Variants in NCALD observed in about 807,000 individuals in gnomAD.
NCALD encodes neurocalcin-delta.
NCALD carries 10 observed loss-of-function variants against 18.6 expected under a neutral mutation model. The ratio of observed to expected loss-of-function variants is 0.54; its 90% CI spans 0.33 to 0.91. NCALD has a LOEUF of 0.91. NCALD is among the 40% of genes least tolerant of loss of function. The probability of loss-of-function intolerance (pLI) is 0.03; values close to 1 mark genes in which losing one functional copy is unlikely to be tolerated. For synonymous variants in NCALD, 88 were observed against 87.4 expected, an observed-to-expected ratio of 1.01 and a Z score of -0.04; for missense variants, 184 against 247.6, an observed-to-expected ratio of 0.74 and a Z score of 1.72.
chr8:101,720,910 T>C (rs545698877), intron 1 of NCALD, among the ~76,000 whole-genome samples: 2 of 152,192 alleles, frequency 1.3e-5, no homozygotes, highest in Admixed American at 1.3e-4. Flanking sequence ...GGCACCTAGC[T>C]GTGTGTGCAG....
At chr8:101,997,141 C>T (rs1020774692) in intron 2 of NCALD, among the ~76,000 whole-genome samples, 1 of 152,190 alleles carries the variant, frequency 6.6e-6, no homozygotes, top group Admixed American at 6.5e-5. Flanking sequence ...CTCATTTAAG[C>T]TCTGAGAGTC....
chr8:101,835,265 C>T (rs1586602762), intron 4 of NCALD, among the ~76,000 whole-genome samples: 5 of 152,348 alleles, frequency 3.3e-5, no homozygotes, highest in Admixed American at 3.3e-4. Context: ...CCCCTTGGCC[C>T]TTCCATCATA....
intron 2 of NCALD, among the ~76,000 whole-genome samples, chr8:101,961,141 T>C (rs1819820411): frequency 1.3e-5 from 2 of 152,150 alleles, no homozygotes; most frequent in Non-Finnish European, 2.9e-5. Context: ...AGGTGTGTAA[T>C]AAATATGTAT....
Position 101,687,677 on chromosome 8 carries a change from C to A in NCALD, c.*1632G>T, listed in dbSNP as rs1265474866. ...GGCAAGTGGCTTGGCAGCAAATATA[C>A]CCACTAGGGACCTCTCTGCCTTCTC... On this transcript the variant is annotated 3_prime_UTR_variant, in exon 4 of 4. Transcript: ENST00000220931. 6.6e-6 allele frequency: 1 copy of A among 152,196 alleles called. No individual in the cohort carries two copies. Among genetic ancestry groups the A allele is most frequent in the Non-Finnish European group, 1.5e-5 (1 of 68,048 alleles). 9.4% of individuals were successfully genotyped at this position (152,196 alleles called of 1,614,324 possible). A position where few individuals can be genotyped will look rare whatever the true frequency, so the allele number is the denominator to read the frequency against.
At chr8:101,889,146 T>C (rs1030051606) in intron 3 of NCALD, among the ~76,000 whole-genome samples, 3 of 152,226 alleles carry the variant, frequency 2.0e-5, no homozygotes, top group Non-Finnish European at 4.4e-5. Context: ...GCAACTCTGA[T>C]GCAAAGCTGG....
chr8:101,911,740 C>T (rs1392289187), intron 3 of NCALD, among the ~76,000 whole-genome samples: 4 of 152,104 alleles, frequency 2.6e-5, no homozygotes, highest in African/African-American at 9.7e-5. Context: ...TGCGTTTCCA[C>T]GAATTACCTG....
intron 2 of NCALD, among the ~76,000 whole-genome samples, chr8:101,979,417 G>T (rs925655562): frequency 1.2e-4 from 19 of 152,176 alleles, no homozygotes; most frequent in Admixed American, 9.2e-4. Context: ...CTCTTAGGCA[G>T]CTTACAACAA....
intron 3 of NCALD, chr8:101,690,684 G>C: frequency 2.0e-6 from 2 of 985,468 alleles, no homozygotes; most frequent in Non-Finnish European, 2.4e-6. Context: ...GAAGGAAAAA[G>C]ATAGGGATGC....
chr8:102,019,269 T>C (rs1378923191), intron 2 of NCALD, among the ~76,000 whole-genome samples: 1 of 152,100 alleles, frequency 6.6e-6, no homozygotes, highest in East Asian at 1.9e-4. Flanking sequence ...GAAAACACCT[T>C]GTTTTGGAAA....
chr8:102,030,164 A>C (rs1355280113), intron 1 of NCALD, among the ~76,000 whole-genome samples: 1 of 152,228 alleles, frequency 6.6e-6, no homozygotes, highest in Non-Finnish European at 1.5e-5. Flanking sequence ...AATATTTGTA[A>C]ACAGAAACCA....
intron 2 of NCALD, among the ~76,000 whole-genome samples, chr8:101,703,096 C>A (rs888164562): frequency 6.6e-6 from 1 of 151,942 alleles, no homozygotes; most frequent in African/African-American, 2.4e-5. Flanking sequence ...TCTATCTGTG[C>A]CAGGACTGAC....
At chr8:101,899,929 G>T (rs994559287) in intron 3 of NCALD, among the ~76,000 whole-genome samples, 10 of 151,826 alleles carry the variant, frequency 6.6e-5, no homozygotes, top group Non-Finnish European at 1.5e-5. Flanking sequence ...TCTAGAAGAG[G>T]TTGTAGAGAA....
chr8:101,980,567 A>T (rs1357169791), intron 2 of NCALD, among the ~76,000 whole-genome samples: 4 of 152,176 alleles, frequency 2.6e-5, no homozygotes, highest in African/African-American at 7.2e-5. Context: ...AGCCAAAAGG[A>T]CTGGGGAAGA....
At chr8:101,755,483 C>T (rs531368263) in intron 1 of NCALD, among the ~76,000 whole-genome samples, 3 of 152,314 alleles carry the variant, frequency 2.0e-5, no homozygotes, top group South Asian at 4.1e-4. Context: ...AATGCTGGGA[C>T]ACAGATCATT....
chr8:101,784,394 C>T (rs1414693391), intron 1 of NCALD, among the ~76,000 whole-genome samples: 1 of 152,160 alleles, frequency 6.6e-6, no homozygotes, highest in Non-Finnish European at 1.5e-5. Flanking sequence ...CCTTGGAAGT[C>T]ACCTAGCATT....
intron 3 of NCALD, among the ~76,000 whole-genome samples, chr8:101,899,519 C>T (rs1045197046): frequency 1.3e-5 from 2 of 151,850 alleles, no homozygotes; most frequent in African/African-American, 2.4e-5. Context: ...TAGCTATAGG[C>T]GTTTTCATAG....
In NCALD at chr8:101,700,585, T is replaced by C. The variant is rs541714706; in HGVS notation, c.379-7689A>G. Among the ~76,000 whole-genome samples, 20 of 152,216 alleles carry C rather than the reference T, an allele frequency of 1.3e-4. 1 individual carries two copies. The highest frequency in any genetic ancestry group is 4.6e-4 in the African/African-American group (19 of 41,516). On this transcript the variant is annotated intron_variant, in intron 2 of 3. Transcript: ENST00000220931. The stretch of plus-strand genomic sequence containing the variant: ...TCTTTGGACCTTTCAGCCTCTAAGG[T>C]TGTGGCCCACGAAATTCTTCTTCTT...
At chr8:101,906,389 G>A (rs142962173) in intron 3 of NCALD, among the ~76,000 whole-genome samples, 1 of 152,096 alleles carries the variant, frequency 6.6e-6, no homozygotes, top group African/African-American at 2.4e-5. Context: ...CCTGCAACAC[G>A]CCACATGGTA....
intron 2 of NCALD, among the ~76,000 whole-genome samples, chr8:101,947,043 GT>G (rs1819203739): frequency 6.6e-6 from 1 of 152,168 alleles, no homozygotes; most frequent in Non-Finnish European, 1.5e-5. Flanking sequence ...TTTTAAACAA[GT>G]GGGATCAAGA....
Sources: gnomAD v4.1 joint callset for allele counts (sites outside exome capture counted in the v4.1 genomes callset) on GRCh38, gnomAD v4.1.1 for gene constraint, MANE v1.5 for transcripts, NCBI Gene and HGNC (gene_info 2026-07-23, HGNC 2026-07-21) for gene names.